TNS1: variants seen among roughly 807,000 people sequenced by gnomAD.
TNS1 encodes tensin 1.
Under a neutral mutation model 168.6 loss-of-function variants are expected in TNS1, and 62 were observed. That is an observed-to-expected ratio of 0.37 (90% CI 0.30 to 0.45). The LOEUF (loss-of-function observed/expected upper bound fraction) is 0.45, where lower values mean the gene tolerates loss of function less well. Ranked by LOEUF, TNS1 falls within the 20% of genes least tolerant of loss-of-function variation. The probability of loss-of-function intolerance (pLI) is 1.00; values close to 1 mark genes in which losing one functional copy is unlikely to be tolerated. For missense variants in TNS1, 2,240 were observed against 2,339.4 expected (o/e 0.96, Z 0.88); for synonymous variants, 934 against 933.2 (o/e 1.00, Z -0.02).
intron 22 of TNS1, 51 bp downstream of exon 22, chr2:217,831,404 G>C: frequency 6.8e-7 from 1 of 1,467,262 alleles, no homozygotes; most frequent in Non-Finnish European, 9.2e-7. Flanking sequence ...AGAACCACAG[G>C]AGTCCTCCTC....
At position 217,804,294 on chromosome 2, in the gene TNS1, C is replaced by A; in HGVS notation, c.*165G>T. The A allele has an allele frequency of 1.1e-5, 7 of 633,830 alleles. No individual in the cohort carries two copies. Among genetic ancestry groups the A allele is most frequent in the Non-Finnish European group, 1.6e-5 (6 of 373,144 alleles). The allele number at this position is 633,830 out of a possible 1,614,324, so 39.3% of individuals were successfully genotyped here. On this transcript the variant is annotated 3_prime_UTR_variant, in exon 33 of 33. Coordinates refer to ENST00000682258, the MANE Select transcript of TNS1 (RefSeq NM_001387777.1). ...TCTCTCTCTCTCTCTCTCTCTTTTCCCCCTCCCCTCTGCAATTCACTTCCC... is the reference window on the plus strand; with the variant it reads ...TCTCTCTCTCTCTCTCTCTCTTTTCACCCTCCCCTCTGCAATTCACTTCCC...
At chr2:217,879,387 C>T (rs1327903401) in intron 18 of TNS1, 6 of 450,572 alleles carry the variant, frequency 1.3e-5, no homozygotes, top group East Asian at 7.2e-5. Flanking sequence ...AGAACAAATT[C>T]GCTCCAGCCT....
At chr2:217,831,420 G>A (rs752609269) in intron 22 of TNS1, 35 bp downstream of exon 22, 72 of 1,524,454 alleles carry the variant, frequency 4.7e-5, no homozygotes, top group Admixed American at 4.0e-5. Context: ...TCCTCCCCCT[G>A]GCCCCCCTCC....
intron 1 of TNS1, among the ~76,000 whole-genome samples, chr2:218,009,446 A>G (rs1232122238): frequency 6.6e-6 from 1 of 151,776 alleles, no homozygotes. Flanking sequence ...TGAGAATCCC[A>G]GGGAGACCGA....
intron 1 of TNS1, among the ~76,000 whole-genome samples, chr2:218,031,199 T>C (rs907992304): frequency 6.7e-6 from 1 of 149,564 alleles, no homozygotes; most frequent in Non-Finnish European, 1.5e-5. Flanking sequence ...TGTCTGTATG[T>C]GTGTGAGTGT....
intron 18 of TNS1, among the ~76,000 whole-genome samples, chr2:217,870,867 T>C (rs1949713421): frequency 6.6e-6 from 1 of 152,152 alleles, no homozygotes; most frequent in South Asian, 2.1e-4. Flanking sequence ...CAGAGAACAG[T>C]GCAAGCAGGT....
At chr2:218,007,767 C>A (rs1030387145), upstream of TNS1, among the ~76,000 whole-genome samples, 2 of 152,118 alleles carry the variant, frequency 1.3e-5, no homozygotes, top group Non-Finnish European at 1.5e-5. Context: ...CCTCACCCTA[C>A]CCCTCACCCT....
At chr2:217,931,789 A>T (rs1434806547) in intron 3 of TNS1, among the ~76,000 whole-genome samples, 5 of 152,188 alleles carry the variant, frequency 3.3e-5, no homozygotes, top group Non-Finnish European at 4.4e-5. Context: ...CCTAAGGTGC[A>T]TTCCATTTTC....
rs928697449 is a variant in TNS1, at chr2:217,906,369, C to T, written c.287G>A (p.Arg96Gln). The T allele has an allele frequency of 2.6e-5, 18 of 702,512 alleles. No homozygotes were observed. The highest frequency in any genetic ancestry group is 1.6e-4 in the African/African-American group (9 of 57,198). The allele number at this position is 702,512 out of a possible 1,614,324, so 43.5% of individuals were successfully genotyped here. The stretch of plus-strand genomic sequence containing the variant: ...GAGGCTTTTCCGTGTGTTTCCACCC[C>T]GGGAGGCTCCTTCTCCCTGCAGACA... ...NVVDKGEGAS[R>Q]GGNTRKSLED... is the part of the protein sequence containing the mutation. Residue 96 changes from arginine (R) to glutamine (Q), a missense_variant, in exon 6 of 33, where the codon CGG becomes CAG. Around this residue, in one of 2 missense-constraint regions of TNS1, gnomAD observed 2,131 missense variants for 2,171.2 expected, o/e 0.98. Transcript: ENST00000682258.
At chr2:217,830,931 C>G (rs1944332442) in intron 22 of TNS1, among the ~76,000 whole-genome samples, 1 of 152,190 alleles carries the variant, frequency 6.6e-6, no homozygotes, top group Non-Finnish European at 1.5e-5. Flanking sequence ...AGAGGCAGAC[C>G]TAGAGACCAC....
chr2:217,830,685 C>T (rs2125278929), intron 22 of TNS1, among the ~76,000 whole-genome samples: 1 of 152,392 alleles, frequency 6.6e-6, no homozygotes. Flanking sequence ...AGCAGCCATC[C>T]TCCTTCCTTC....
intron 4 of TNS1, among the ~76,000 whole-genome samples, chr2:217,915,199 G>A (rs1050932155): frequency 6.6e-5 from 10 of 152,196 alleles, no homozygotes; most frequent in Admixed American, 2.0e-4. Flanking sequence ...TTGATGGAGC[G>A]AGCCCGCACA....
At chr2:217,856,070 G>A (rs1408976508) in intron 18 of TNS1, among the ~76,000 whole-genome samples, 1 of 152,156 alleles carries the variant, frequency 6.6e-6, no homozygotes, top group African/African-American at 2.4e-5. Flanking sequence ...AAAACCATCT[G>A]TGGATCCCAA....
At chr2:217,841,974 C>T (rs1946030762) in intron 19 of TNS1, 1 of 669,652 alleles carries the variant, frequency 1.5e-6, no homozygotes, top group Admixed American at 2.2e-5. Context: ...TGACTTCTAA[C>T]CCACCTTCAC....
Position 217,836,236 on chromosome 2 carries a change from G to A in TNS1, c.3008-25C>T, listed in dbSNP as rs1259015171. The A allele has an allele frequency of 5.0e-6, 8 of 1,584,434 alleles. No individual in the cohort carries two copies. In the Admixed American group the frequency reaches 5.2e-5, roughly 10 times the overall value. ...CCTGGGAGGAAAGCAGGGTGTAGAG[G>A]ACAATGAGCATTTTTGTGTAAGAAA... On this transcript the variant is annotated intron_variant, in intron 19 of 32. Coordinates refer to ENST00000682258, the MANE Select transcript of TNS1 (RefSeq NM_001387777.1).
At chr2:218,007,455 G>A (rs551454680), upstream of TNS1, among the ~76,000 whole-genome samples, 38 of 151,028 alleles carry the variant, frequency 2.5e-4, no homozygotes, top group African/African-American at 9.2e-4. Context: ...GATGGAGAAT[G>A]TTCTTACAGC....
chr2:217,927,270 G>GC (rs35261441), intron 3 of TNS1, among the ~76,000 whole-genome samples: 1 of 152,202 alleles, frequency 6.6e-6, no homozygotes, highest in Non-Finnish European at 1.5e-5. Context: ...ACCACAAGAA[G>GC]CCCCCCTTTG....
chr2:217,805,488 A>ACACACAACAC (rs1938459113), intron 32 of TNS1, among the ~76,000 whole-genome samples: 2 of 27,036 alleles, frequency 7.4e-5, no homozygotes, highest in African/African-American at 2.3e-4. Context: ...CACACACCAC[A>ACACACAACAC]CACACACCAC....
At chr2:217,869,717 TG>T (rs1159096051) in intron 18 of TNS1, among the ~76,000 whole-genome samples, 1 of 152,206 alleles carries the variant, frequency 6.6e-6, no homozygotes, top group Non-Finnish European at 1.5e-5. Context: ...AAGGTTGCTT[TG>T]AAAAACTGAA....
Sources: allele counts gnomAD v4.1 joint callset (sites outside exome capture counted in the v4.1 genomes callset), GRCh38; gene constraint gnomAD v4.1.1; regional missense constraint gnomAD v4.1.1; transcripts MANE v1.5; gene names NCBI Gene and HGNC (gene_info 2026-07-23, HGNC 2026-07-21).